Variants in FOXP1 observed in about 807,000 individuals in gnomAD.
FOXP1 encodes the protein forkhead box P1, also known as forkhead box protein P1.
In FOXP1, 15 loss-of-function variants were observed where a neutral mutation model predicts 98.2. The observed-to-expected ratio is 0.15, with a 90% CI of 0.10 to 0.24. The LOEUF (loss-of-function observed/expected upper bound fraction) is 0.24. FOXP1 is among the 10% of genes least tolerant of loss of function. The pLI, the probability that FOXP1 is intolerant of heterozygous loss-of-function variation, is 1.00. For missense variants in FOXP1, 633 were observed against 848.5 expected, an observed-to-expected ratio of 0.75 and a Z score of 3.15; for synonymous variants, 371 against 314.5, an observed-to-expected ratio of 1.18 and a Z score of -1.90.
At chr3:71,413,556 T>C (rs2082967583) in intron 3 of FOXP1, among the ~76,000 whole-genome samples, 1 of 152,166 alleles carries the variant, frequency 6.6e-6, no homozygotes, top group African/African-American at 2.4e-5. Flanking sequence ...TCCAGACAAG[T>C]TGAAAAGACA....
chr3:71,247,903 C>A (rs1409349816), intron 5 of FOXP1, among the ~76,000 whole-genome samples: 1 of 152,180 alleles, frequency 6.6e-6, no homozygotes, highest in East Asian at 1.9e-4. Context: ...TCCATAGGAA[C>A]TATTGGGAGA....
At chr3:71,196,376 G>A (rs1160017268) in intron 6 of FOXP1, among the ~76,000 whole-genome samples, 1 of 152,000 alleles carries the variant, frequency 6.6e-6, no homozygotes, top group African/African-American at 2.4e-5. Flanking sequence ...TGTGTGTGTG[G>A]GCGCATGTGT....
rs1435838792 is a variant in FOXP1, at chr3:71,413,285, CA to C, written c.-167-54042del. On this transcript the variant is annotated intron_variant, in intron 3 of 20. Transcript: ENST00000649528. ...ACACACACACACACACACACACACA[CA>C]CACACCCAAAACAGCCAACCAGTAT... 5.8e-5 allele frequency among the ~76,000 whole-genome samples: 8 copies of C among 138,222 alleles called. 1 individual carries two copies. Among genetic ancestry groups the C allele is most frequent in the Non-Finnish European group, 1.1e-4 (7 of 66,096 alleles). The allele number at this position is 138,222 out of a possible 152,430, so 90.7% of individuals were successfully genotyped here.
intron 5 of FOXP1, among the ~76,000 whole-genome samples, chr3:71,259,564 C>A (rs945758555): frequency 3.9e-5 from 6 of 152,084 alleles, no homozygotes; most frequent in Non-Finnish European, 8.8e-5. Context: ...GAAAACTAAA[C>A]CCTATGGGCG....
chr3:71,176,160 G>C (rs2061927146), intron 6 of FOXP1, among the ~76,000 whole-genome samples: 1 of 152,152 alleles, frequency 6.6e-6, no homozygotes, highest in African/African-American at 2.4e-5. Flanking sequence ...ATAATCCTAA[G>C]AAAACACAGA....
At chr3:71,345,443 C>CACACAT (rs1468039436) in intron 4 of FOXP1, among the ~76,000 whole-genome samples, 15 of 122,832 alleles carry the variant, frequency 1.2e-4, no homozygotes, top group African/African-American at 4.2e-4. Context: ...CACACACACA[C>CACACAT]ATATATATAC....
intron 5 of FOXP1, among the ~76,000 whole-genome samples, chr3:71,286,434 A>G (rs1030414242): frequency 2.0e-5 from 3 of 152,196 alleles, no homozygotes; most frequent in African/African-American, 7.2e-5. Context: ...AAAGAAGAGA[A>G]CTTAAATTTC....
chr3:71,061,477 A>C (rs529742541), intron 7 of FOXP1, among the ~76,000 whole-genome samples: 1 of 152,292 alleles, frequency 6.6e-6, no homozygotes, highest in South Asian at 2.1e-4. Context: ...GCAGCAGTTA[A>C]AACTATCTAT....
At chr3:71,041,111 T>C (rs2048281200) in intron 11 of FOXP1, among the ~76,000 whole-genome samples, 1 of 152,084 alleles carries the variant, frequency 6.6e-6, no homozygotes, top group South Asian at 2.1e-4. Flanking sequence ...GTTCCTAAGC[T>C]GAGAGTAGAT....
At chr3:70,967,700 GTTTTTTTTTGTTTTTTTTTTTT>G (rs2035206734) in intron 19 of FOXP1, among the ~76,000 whole-genome samples, 8 of 63,628 alleles carry the variant, frequency 1.3e-4, no homozygotes, top group African/African-American at 4.3e-4. Flanking sequence ...TTTTTTTTTT[GTTTTTTTTTGTTTTTTTTTTTT>G]TTTTTTGCAA....
At chr3:70,961,008 A>T (rs2033322971) in intron 20 of FOXP1, among the ~76,000 whole-genome samples, 1 of 151,374 alleles carries the variant, frequency 6.6e-6, no homozygotes, top group Admixed American at 6.6e-5. Context: ...GCGCCCGGCT[A>T]AATTTTTTTG....
At chr3:71,030,857 G>A (rs1360752095) in intron 11 of FOXP1, among the ~76,000 whole-genome samples, 2 of 152,072 alleles carry the variant, frequency 1.3e-5, no homozygotes, top group East Asian at 1.9e-4. Context: ...TCTTTAACAC[G>A]AGACATCTTG....
At chr3:70,976,049 CTTTTTTTTTT>C in intron 17 of FOXP1, among the ~76,000 whole-genome samples, 1 of 115,722 alleles carries the variant, frequency 8.6e-6, no homozygotes, top group South Asian at 2.8e-4. Context: ...GGACAATCTC[CTTTTTTTTTT>C]TTTTTTTTGA....
chr3:71,495,197 G>A (rs2091322048), intron 2 of FOXP1, among the ~76,000 whole-genome samples: 1 of 152,150 alleles, frequency 6.6e-6, no homozygotes, highest in African/African-American at 2.4e-5. Context: ...AAGATGCCAT[G>A]AGCCCATTCT....
At chr3:71,249,139 G>A (rs1443143868) in intron 5 of FOXP1, among the ~76,000 whole-genome samples, 1 of 152,258 alleles carries the variant, frequency 6.6e-6, no homozygotes, top group African/African-American at 2.4e-5. Context: ...GTGGATGCCA[G>A]AGGCCATAGG....
intron 3 of FOXP1, among the ~76,000 whole-genome samples, chr3:71,442,985 G>C (rs1044970645): frequency 6.6e-6 from 1 of 152,150 alleles, no homozygotes; most frequent in African/African-American, 2.4e-5. Flanking sequence ...TCTGCCTCCT[G>C]GGTTCAAGAG....
intron 5 of FOXP1, among the ~76,000 whole-genome samples, chr3:71,237,233 A>G (rs1576526215): frequency 3.8e-5 from 2 of 53,028 alleles, no homozygotes; most frequent in East Asian, 1.2e-3. Flanking sequence ...CTCCATCTGA[A>G]AAAAAAAAAA....
At chr3:71,203,751 T>G (rs760978583) in intron 5 of FOXP1, among the ~76,000 whole-genome samples, 1 of 152,180 alleles carries the variant, frequency 6.6e-6, no homozygotes, top group Non-Finnish European at 1.5e-5. Context: ...AAAATATGTT[T>G]CTATTTCTAT....
In FOXP1 at chr3:71,408,721, C is replaced by T. The variant is rs528112037; in HGVS notation, c.-167-49477G>A. 7.2e-5 allele frequency among the ~76,000 whole-genome samples: 11 copies of T among 152,288 alleles called. 1 individual carries two copies. In the South Asian group the frequency reaches 2.3e-3, roughly 32 times the overall value. ...ATAAAGGCAATCCTTTTCATTTGCT[C>T]TAAATGGGTAAGTAGAGGCAAGGGG... On this transcript the variant is annotated intron_variant, in intron 3 of 20. Coordinates refer to ENST00000649528, the MANE Select transcript of FOXP1 (RefSeq NM_001349338.3).
Sources: allele counts gnomAD v4.1 joint callset (sites outside exome capture counted in the v4.1 genomes callset), GRCh38; gene constraint gnomAD v4.1.1; transcripts MANE v1.5; gene names NCBI Gene and HGNC (gene_info 2026-07-23, HGNC 2026-07-21).